NTAN1: variants seen among roughly 807,000 people sequenced by gnomAD.
The protein encoded by NTAN1 is protein N-terminal asparagine amidohydrolase.
In NTAN1, 32 loss-of-function variants were observed where a neutral mutation model predicts 41.9. The ratio of observed to expected loss-of-function variants is 0.76; its 90% CI spans 0.58 to 1.03. NTAN1 has a LOEUF of 1.03. Among genes scored for constraint, NTAN1 ranks in the 50% least tolerant of loss-of-function variants. The probability of loss-of-function intolerance (pLI) is 0.00; values close to 1 mark genes in which losing one functional copy is unlikely to be tolerated. For synonymous variants in NTAN1, 140 were observed against 139.5 expected (o/e 1.00, Z -0.03); for missense variants, 377 against 377.5 (o/e 1.00, Z 0.01).
chr16:15,041,576 G>C (rs755297376), intron 6 of NTAN1, 47 bp downstream of exon 6: 1 of 1,360,570 alleles, frequency 7.3e-7, no homozygotes, highest in Non-Finnish European at 1.1e-6. Flanking sequence ...GGGACAAAAC[G>C]GTCCTGAGAC....
At chr16:15,047,630 C>T (rs1028403087) in intron 3 of NTAN1, 80 bp from the exon 4 acceptor site, 61 of 1,078,226 alleles carry the variant, frequency 5.7e-5, no homozygotes, top group Middle Eastern at 2.0e-4. Flanking sequence ...CCTGTCCCTC[C>T]GGACCGCCTC....
At chr16:15,044,613 G>GCCC in intron 4 of NTAN1, 1 of 591,562 alleles carries the variant, frequency 1.7e-6, no homozygotes, top group Non-Finnish European at 3.0e-6. Flanking sequence ...CAGGGGCCCT[G>GCCC]ATGACTGAGG....
chr16:15,044,258 T>C (rs1167801539), intron 5 of NTAN1, 76 bp downstream of exon 5: 9 of 980,000 alleles, frequency 9.2e-6, no homozygotes, highest in Non-Finnish European at 1.5e-5. Context: ...TTGTACCAAT[T>C]GGGATTTTTA....
intron 7 of NTAN1, chr16:15,040,320 A>G (rs1251748271): frequency 1.2e-5 from 5 of 402,816 alleles, no homozygotes; most frequent in Non-Finnish European, 2.2e-5. Context: ...TCCACATGGG[A>G]GGCAGCCATT....
chr16:15,047,190 A>T, intron 4 of NTAN1: 1 of 517,692 alleles, frequency 1.9e-6, no homozygotes, highest in Non-Finnish European at 3.4e-6. Flanking sequence ...GACGTTCCTG[A>T]GACGACATCA....
chr16:15,045,666 G>A (rs2044028819), intron 4 of NTAN1: 1 of 152,296 alleles, frequency 6.6e-6, no homozygotes, highest in African/African-American at 2.4e-5. Flanking sequence ...GCCCTCCTTA[G>A]GAGTCACACT....
intron 9 of NTAN1, 166 bp from the exon 10 acceptor site, chr16:15,038,376 T>C: frequency 1.6e-6 from 1 of 620,758 alleles, no homozygotes; most frequent in South Asian, 2.2e-5. Flanking sequence ...CTTACTGCTT[T>C]ACCCACACAC....
chr16:15,049,538 C>T (rs2044216229), intron 1 of NTAN1, among the ~76,000 whole-genome samples: 1 of 152,070 alleles, frequency 6.6e-6, no homozygotes, highest in African/African-American at 2.4e-5. Context: ...AAGCGATTCT[C>T]GTGCCTCAGC....
At chr16:15,044,882 A>G in intron 4 of NTAN1, 1 of 154,014 alleles carries the variant, frequency 6.5e-6, no homozygotes, top group Non-Finnish European at 1.4e-5. Flanking sequence ...GCACTTTGGG[A>G]GGCTGAGGCG....
At chr16:15,049,653 T>C (rs1383408057) in intron 1 of NTAN1, among the ~76,000 whole-genome samples, 1 of 152,092 alleles carries the variant, frequency 6.6e-6, no homozygotes, top group African/African-American at 2.4e-5. Context: ...ATCAAACTCC[T>C]GGCCTCAAGT....
At chr16:15,040,356 C>G (rs992868928) in intron 7 of NTAN1, 2 of 362,968 alleles carry the variant, frequency 5.5e-6, no homozygotes, top group African/African-American at 4.2e-5. Flanking sequence ...GTAGCAAAAC[C>G]TCTGGTCATC....
chr16:15,044,281 A>G (rs914109087), intron 5 of NTAN1, 53 bp downstream of exon 5: 6 of 1,243,648 alleles, frequency 4.8e-6, no homozygotes, highest in African/African-American at 4.4e-5. Context: ...CCAAGCAAAT[A>G]TGGGTACATA....
chr16:15,041,098 C>A lies in NTAN1; in HGVS notation c.511G>T (p.Glu171Ter), dbSNP rs147340910. The A allele has an allele frequency of 6.3e-7, 1 of 1,593,104 alleles. No homozygotes were observed. ...CCATATATTACTGGAAAGTGGTTTTCGTTTTCTTCCCGGTCATTTAATTCT... is the reference window on the plus strand; with the variant it reads ...CCATATATTACTGGAAAGTGGTTTTAGTTTTCTTCCCGGTCATTTAATTCT... ...VTELNDREENENHFPVIYGIA... is the reference protein window; with the variant it reads ...VTELNDREEN Residue 171 changes from glutamate (E) to a stop codon, truncating the protein, a stop_gained, in exon 7 of 10, where the codon GAA (glutamate) becomes TAA (stop). Coordinates refer to ENST00000287706, the MANE Select transcript of NTAN1 (RefSeq NM_173474.4). LOFTEE classifies it high-confidence loss of function.
chr16:15,046,697 CAAAAAAAAAAA>C (rs9331444), intron 4 of NTAN1, among the ~76,000 whole-genome samples: 5 of 43,620 alleles, frequency 1.1e-4, no homozygotes, highest in African/African-American at 4.8e-4. Flanking sequence ...CTGTCTCTAC[CAAAAAAAAAAA>C]AAAAAAAAAA....
chr16:15,038,011 T>G lies in NTAN1; in HGVS notation c.*20A>C, dbSNP rs1460969220. The G allele has an allele frequency of 4.4e-6, 7 of 1,598,574 alleles. No homozygotes were observed. The highest frequency in any genetic ancestry group is 6.0e-6 in the Non-Finnish European group (7 of 1,169,816). ...GGTCTGTCAGGCCAAGAAGGTGCTTTCTTTGGTAATTCATGTTTTTTAACT... is the reference window on the plus strand; with the variant it reads ...GGTCTGTCAGGCCAAGAAGGTGCTTGCTTTGGTAATTCATGTTTTTTAACT... On this transcript the variant is annotated 3_prime_UTR_variant, in exon 10 of 10. Transcript: ENST00000287706.
At chr16:15,054,734 A>G (rs1369353612) in intron 1 of NTAN1, among the ~76,000 whole-genome samples, 1 of 152,172 alleles carries the variant, frequency 6.6e-6, no homozygotes, top group African/African-American at 2.4e-5. Context: ...CTGAGCGCCA[A>G]TTCTATGCCA....
At chr16:15,050,249 A>G (rs956941789) in intron 1 of NTAN1, among the ~76,000 whole-genome samples, 27 of 152,256 alleles carry the variant, frequency 1.8e-4, no homozygotes, top group African/African-American at 6.5e-4. Context: ...AATTGATACA[A>G]CACTACAATG....
chr16:15,044,288 C>T (rs757361107), intron 5 of NTAN1, 46 bp downstream of exon 5: 5 of 1,310,928 alleles, frequency 3.8e-6, no homozygotes. Context: ...AATATGGGTA[C>T]ATATTTATGT....
chr16:15,050,222 ACT>A (rs1313632500), intron 1 of NTAN1, among the ~76,000 whole-genome samples: 1 of 152,242 alleles, frequency 6.6e-6, no homozygotes, highest in Non-Finnish European at 1.5e-5. Context: ...TTTAACAAAA[ACT>A]TTTTCAAAAT....
Sources: allele counts gnomAD v4.1 joint callset (sites outside exome capture counted in the v4.1 genomes callset), GRCh38; gene constraint gnomAD v4.1.1; transcripts MANE v1.5; gene names NCBI Gene and HGNC (gene_info 2026-07-23, HGNC 2026-07-21).